The following TENM2 variants were observed in gnomAD, a reference collection of about 807,000 sequenced individuals.
The protein encoded by TENM2 is teneurin-2.
TENM2 carries 52 observed loss-of-function variants against 245.2 expected under a neutral mutation model. The observed-to-expected ratio is 0.21, with a 90% CI of 0.17 to 0.27. The LOEUF is 0.27. Among genes scored for constraint, TENM2 ranks in the 10% least tolerant of loss-of-function variants. TENM2 has a pLI of 1.00. For synonymous variants in TENM2, 1,363 were observed against 1,438.9 expected (o/e 0.95, Z 1.19); for missense variants, 3,046 against 3,666.8 (o/e 0.83, Z 4.37).
chr5:167,167,719 C>T, the TENM2 span, among the ~76,000 whole-genome samples: 2 of 152,152 alleles, frequency 1.3e-5, no homozygotes, highest in Non-Finnish European at 2.9e-5. Context: ...TTGTGTTCCT[C>T]AAGCAGATTG....
intron 5 of TENM2, among the ~76,000 whole-genome samples, chr5:168,019,589 G>A (rs1785962212): frequency 6.6e-6 from 1 of 152,236 alleles, no homozygotes; most frequent in South Asian, 2.1e-4. Flanking sequence ...ATACTGGACA[G>A]AGTAACCTGG....
At chr5:168,067,084 C>T (rs1790571093) in intron 7 of TENM2, among the ~76,000 whole-genome samples, 1 of 152,162 alleles carries the variant, frequency 6.6e-6, no homozygotes, top group African/African-American at 2.4e-5. Context: ...ATGCAGTTAC[C>T]ACTTGGGAGC....
At chr5:167,755,754 C>T (rs764231168) in intron 2 of TENM2, among the ~76,000 whole-genome samples, 25 of 152,136 alleles carry the variant, frequency 1.6e-4, no homozygotes, top group Non-Finnish European at 3.2e-4. Context: ...TTCTTCAAAA[C>T]ATGGATTAGT....
At chr5:168,009,790 T>A (rs1785090828) in intron 5 of TENM2, among the ~76,000 whole-genome samples, 1 of 152,238 alleles carries the variant, frequency 6.6e-6, no homozygotes, top group Non-Finnish European at 1.5e-5. Flanking sequence ...CTAACTCTCA[T>A]CTTTCAAGTC....
intron 2 of TENM2, among the ~76,000 whole-genome samples, chr5:167,543,357 C>T (rs1308686298): frequency 6.6e-6 from 1 of 152,032 alleles, no homozygotes; most frequent in African/African-American, 2.4e-5. Flanking sequence ...AGTTTTAATT[C>T]AAGGGGAAGT....
chr5:167,329,435 C>T (rs1294552237), intron 1 of TENM2, among the ~76,000 whole-genome samples: 1 of 149,726 alleles, frequency 6.7e-6, no homozygotes, highest in Non-Finnish European at 1.5e-5. Flanking sequence ...ACCTGTTGTT[C>T]CAGCTACCCG....
chr5:168,214,952 T>G, intron 20 of TENM2, 88 bp from the exon 23 acceptor site: 1 of 1,063,024 alleles, frequency 9.4e-7, no homozygotes, highest in Non-Finnish European at 1.4e-6. Flanking sequence ...AAGGTAAGCG[T>G]CTTGCTAGGA....
At chr5:168,208,653 G>T (rs1350617098) in intron 19 of TENM2, among the ~76,000 whole-genome samples, 1 of 152,124 alleles carries the variant, frequency 6.6e-6, no homozygotes, top group Non-Finnish European at 1.5e-5. Flanking sequence ...GAAAATGGGG[G>T]TCAGGAAAGA....
the TENM2 span, among the ~76,000 whole-genome samples, chr5:167,177,046 T>C: frequency 6.6e-6 from 1 of 152,180 alleles, no homozygotes; most frequent in South Asian, 2.1e-4. Context: ...AGCTGGCTCT[T>C]TAGTTAATCA....
chr5:167,366,612 C>T (rs796540726), intron 1 of TENM2, among the ~76,000 whole-genome samples: 3 of 152,260 alleles, frequency 2.0e-5, no homozygotes, highest in African/African-American at 7.2e-5. Context: ...CATTCTAACT[C>T]CTGATTTTCT....
At chr5:167,030,514 C>T in the TENM2 span, among the ~76,000 whole-genome samples, 5 of 152,140 alleles carry the variant, frequency 3.3e-5, no homozygotes, top group Non-Finnish European at 5.9e-5. Context: ...TCATTACTTA[C>T]CTAGTCCTAC....
rs56244416 is a variant in TENM2, at chr5:167,979,740, T to C, written c.948-13204T>C. ...GGAGAATTCCAATCTAAAAGATCAATAAAATGAAGAGGCTCTCACAAAACA... is the reference window on the plus strand; with the variant it reads ...GGAGAATTCCAATCTAAAAGATCAACAAAATGAAGAGGCTCTCACAAAACA... On this transcript the variant is annotated intron_variant, in intron 4 of 28. Coordinates refer to ENST00000518659, the Ensembl canonical transcript of TENM2. 3.2e-3 allele frequency among the ~76,000 whole-genome samples: 491 copies of C among 152,232 alleles called. 4 individuals are homozygous for C. Among genetic ancestry groups the C allele is most frequent in the African/African-American group, 0.011 (456 of 41,544 alleles).
At chr5:167,100,950 A>C in the TENM2 span, among the ~76,000 whole-genome samples, 2 of 152,218 alleles carry the variant, frequency 1.3e-5, no homozygotes, top group East Asian at 3.8e-4. Flanking sequence ...ATTCATCTTT[A>C]ATTAGTTTAC....
At position 167,981,991 on chromosome 5, in the gene TENM2, A is replaced by G. The variant is rs546532599; in HGVS notation, c.948-10953A>G. ...CTCTGTTTCAGACCAAAAAAAAAAA[A>G]AAAAGAAAAAAGAAAAAAAGAAAAT... On this transcript the variant is annotated intron_variant, in intron 4 of 28. Transcript: ENST00000518659. Among the ~76,000 whole-genome samples the G allele has an allele frequency of 2.6e-4, 40 of 151,298 alleles. No homozygotes were observed. The South Asian group carries it at 4.2e-3, about 16-fold the overall frequency.
chr5:167,187,841 T>A, the TENM2 span, among the ~76,000 whole-genome samples: 1 of 152,158 alleles, frequency 6.6e-6, no homozygotes, highest in Non-Finnish European at 1.5e-5. Flanking sequence ...TAATTGCTGC[T>A]GTTCTGATTT....
At position 167,827,634 on chromosome 5, in the gene TENM2, G is replaced by GGA. The variant is rs1554126513; in HGVS notation, c.503-48351_503-48350insAG. On this transcript the variant is annotated intron_variant, in intron 2 of 28. Coordinates refer to ENST00000518659, the Ensembl canonical transcript of TENM2. Reference sequence around the variant, plus strand: ...TGGCAAGGAGCTAGGTGGGCGGGGGGGGGGGAACAGTTTAATGAGCGTGAA... The same window carrying GGA: ...TGGCAAGGAGCTAGGTGGGCGGGGGGGAGGGGGAACAGTTTAATGAGCGTGAA... 1.7e-4 allele frequency among the ~76,000 whole-genome samples: 19 copies of GGA among 114,918 alleles called. 1 individual carries two copies. Among genetic ancestry groups the GGA allele is most frequent in the Admixed American group, 4.5e-4 (5 of 11,022 alleles). The allele number at this position is 114,918 out of a possible 152,430, so 75.4% of individuals were successfully genotyped here.
chr5:167,392,434 C>T (rs182331760), intron 2 of TENM2, among the ~76,000 whole-genome samples: 96 of 152,180 alleles, frequency 6.3e-4, no homozygotes, highest in Admixed American at 2.7e-3. Context: ...CCACTGATGG[C>T]CTGAATAGAA....
intron 4 of TENM2, among the ~76,000 whole-genome samples, chr5:167,954,201 A>AC (rs1780351744): frequency 6.6e-6 from 1 of 151,336 alleles, no homozygotes; most frequent in African/African-American, 2.4e-5. Flanking sequence ...ACACACACAC[A>AC]AACAAACACA....
chr5:167,648,730 C>T (rs1780137986), intron 2 of TENM2, among the ~76,000 whole-genome samples: 2 of 152,154 alleles, frequency 1.3e-5, no homozygotes. Context: ...GCTTTGATCT[C>T]CCTTGACTCC....
Sources: gnomAD v4.1 joint callset for allele counts (sites outside exome capture counted in the v4.1 genomes callset) on GRCh38, gnomAD v4.1.1 for gene constraint, MANE v1.5 for transcripts, NCBI Gene and HGNC (gene_info 2026-07-23, HGNC 2026-07-21) for gene names.